Variants in DNAJA1 observed in about 807,000 individuals in gnomAD.
DNAJA1 encodes dnaJ homolog subfamily A member 1.
DNAJA1 carries 26 observed loss-of-function variants against 47.6 expected under a neutral mutation model. The ratio of observed to expected loss-of-function variants is 0.55; its 90% confidence interval spans 0.40 to 0.76. The LOEUF (loss-of-function observed/expected upper bound fraction) is 0.76. Ranked by LOEUF, DNAJA1 falls within the 30% of genes least tolerant of loss-of-function variation. The pLI is 0.00. For synonymous variants in DNAJA1, 165 were observed against 158.4 expected (o/e 1.04, Z -0.31); for missense variants, 315 against 485.0 (o/e 0.65, Z 3.29).
At chr9:33,033,929 CTG>C (rs761411581) in intron 5 of DNAJA1, among the ~76,000 whole-genome samples, 91 of 152,270 alleles carry the variant, frequency 6.0e-4, no homozygotes, top group Admixed American at 1.6e-3. Context: ...GTGTAGGTGT[CTG>C]TGGGAAAGTT....
intron 6 of DNAJA1, among the ~76,000 whole-genome samples, chr9:33,034,801 C>T (rs1839009512): frequency 6.6e-6 from 1 of 152,116 alleles, no homozygotes; most frequent in East Asian, 1.9e-4. Flanking sequence ...GTATGATGAA[C>T]ACTGAAGCAC....
At chr9:33,038,526 C>CT (rs1839068757) in intron 8 of DNAJA1, among the ~76,000 whole-genome samples, 159 bp from the exon 9 acceptor site, 1 of 152,166 alleles carries the variant, frequency 6.6e-6, no homozygotes. Flanking sequence ...TCAGAGTGTG[C>CT]TATGCACTGT....
chr9:33,036,849 T>G (rs1839042814), intron 7 of DNAJA1, among the ~76,000 whole-genome samples, 160 bp downstream of exon 7: 1 of 152,232 alleles, frequency 6.6e-6, no homozygotes, highest in Non-Finnish European at 1.5e-5. Context: ...AGGTCTTGGC[T>G]CTCTTGTCAG....
intron 6 of DNAJA1, 68 bp downstream of exon 6, chr9:33,034,398 TTTTG>T (rs1239426896): frequency 3.2e-6 from 4 of 1,252,958 alleles, no homozygotes; most frequent in Non-Finnish European, 1.1e-6. Context: ...TTTTTTGTTT[TTTTG>T]TTTTTTTTAA....
rs770904664 is a variant in DNAJA1 at position 33,038,904 on chromosome 9, T to G, written c.*1T>G. The G allele has an allele frequency of 3.5e-5, 57 of 1,609,240 alleles. No individual in the cohort carries two copies. The highest frequency in any genetic ancestry group is 4.2e-5 in the Non-Finnish European group (50 of 1,177,904). ...TGGTGTTCAGTGTCAGACCTCTTAATGGGCCAGTGAATAACACTCACTGCT... is the reference window on the plus strand; with the variant it reads ...TGGTGTTCAGTGTCAGACCTCTTAAGGGGCCAGTGAATAACACTCACTGCT... On this transcript the variant is annotated 3_prime_UTR_variant, in exon 9 of 9. Transcript: ENST00000330899.
intron 3 of DNAJA1, 62 bp downstream of exon 3, chr9:33,027,052 T>C (rs943532725): frequency 1.3e-6 from 2 of 1,583,412 alleles, no homozygotes; most frequent in Middle Eastern, 3.4e-4. Context: ...AGCAGATCTT[T>C]GAGAAATCAC....
Position 33,036,592 on chromosome 9 carries a change from CATG to C in DNAJA1, c.778_780del (p.Met260del), listed in dbSNP as rs749795915. The C allele has an allele frequency of 6.2e-7, 1 of 1,610,528 alleles. No individual in the cohort carries two copies. Among genetic ancestry groups the C allele is most frequent in the Non-Finnish European group, 8.5e-7 (1 of 1,178,414 alleles). On this transcript the variant is annotated inframe_deletion, in exon 7 of 9. Transcript: ENST00000330899. Reference sequence around the variant, plus strand: ...TATGCAGACGAGGAGAAGACCTTTTCATGTGTATGGACATACAGCTCGTTGAAG... The same window carrying C: ...TATGCAGACGAGGAGAAGACCTTTTCTGTATGGACATACAGCTCGTTGAAG...
At chr9:33,029,760 A>G (rs1307392541) in intron 3 of DNAJA1, 125 bp from the exon 4 acceptor site, 1 of 634,710 alleles carries the variant, frequency 1.6e-6, no homozygotes, top group African/African-American at 1.9e-5. Flanking sequence ...TATAGTAGGT[A>G]GTCAACAGAT....
chr9:33,032,407 G>C (rs1469936574), intron 5 of DNAJA1, among the ~76,000 whole-genome samples: 1 of 152,192 alleles, frequency 6.6e-6, no homozygotes, highest in Admixed American at 6.5e-5. Flanking sequence ...TTGTTGATAG[G>C]TTCTTGGAAA....
intron 6 of DNAJA1, among the ~76,000 whole-genome samples, chr9:33,035,939 T>C (rs922753038): frequency 8.5e-5 from 13 of 152,302 alleles, no homozygotes; most frequent in African/African-American, 2.2e-4. Context: ...ATTGGACATA[T>C]CCTCATTGTT....
Position 33,030,322 on chromosome 9 carries a change from C to T in DNAJA1, c.416-118C>T. 3 of 906,662 alleles carry T rather than the reference C, an allele frequency of 3.3e-6. No homozygotes were observed. In the South Asian group the frequency reaches 5.3e-5, roughly 16 times the overall value. The allele number at this position is 906,662 out of a possible 1,614,324, so 56.2% of individuals were successfully genotyped here. On this transcript the variant is annotated intron_variant, in intron 4 of 8. Coordinates refer to ENST00000330899, the MANE Select transcript of DNAJA1 (RefSeq NM_001539.4). ...CATCAGTTGTACATTCAGAGGGTAGCATTCCATCAGGCTTCGAAAATATTA... is the reference window on the plus strand; with the variant it reads ...CATCAGTTGTACATTCAGAGGGTAGTATTCCATCAGGCTTCGAAAATATTA...
chr9:33,035,572 C>T (rs1839021208), intron 6 of DNAJA1, among the ~76,000 whole-genome samples: 1 of 152,222 alleles, frequency 6.6e-6, no homozygotes, highest in Non-Finnish European at 1.5e-5. Context: ...CAGGTTCAAG[C>T]AATTCTCTCA....
In DNAJA1 at chr9:33,035,937, T is replaced by C. The variant is rs1839026557; in HGVS notation, c.759-637T>C. Reference sequence around the variant, plus strand: ...TGTTAGAGTCCCTTTAAATTGGACATATCCTCATTGTTTAATTTCATAGAG... The same window carrying C: ...TGTTAGAGTCCCTTTAAATTGGACACATCCTCATTGTTTAATTTCATAGAG... On this transcript the variant is annotated intron_variant, in intron 6 of 8. Coordinates refer to ENST00000330899, the MANE Select transcript of DNAJA1 (RefSeq NM_001539.4). Among the ~76,000 whole-genome samples, 3 of 152,234 alleles carry C rather than the reference T, an allele frequency of 2.0e-5. No individual in the cohort carries two copies. The South Asian group carries it at 6.2e-4, about 31-fold the overall frequency.
At position 33,035,037 on chromosome 9, in the gene DNAJA1, C is replaced by CTT. The variant is rs11371852; in HGVS notation, c.758+725_758+726dup. Among the ~76,000 whole-genome samples the CTT allele has an allele frequency of 2.6e-3, 298 of 113,864 alleles. 4 individuals are homozygous for CTT. Among genetic ancestry groups the CTT allele is most frequent in the Middle Eastern group, 0.015 (3 of 204 alleles). The allele number at this position is 113,864 out of a possible 152,430, so 74.7% of individuals were successfully genotyped here. On this transcript the variant is annotated intron_variant, in intron 6 of 8. Transcript: ENST00000330899. ...AGCCTGGGTGACAGTAAGAACCCAC[C>CTT]TTTTTTTTTTTTTTTTTTTAATGGA...
Position 33,039,145 on chromosome 9 carries a change from C to G in DNAJA1, c.*242C>G, listed in dbSNP as rs1276257349. On this transcript the variant is annotated 3_prime_UTR_variant, in exon 9 of 9. Coordinates refer to ENST00000330899, the MANE Select transcript of DNAJA1 (RefSeq NM_001539.4). The stretch of plus-strand genomic sequence containing the variant: ...CTGTAAAAACTACAAAGAAGTTCCC[C>G]TAGCATTTCTAGGCCAAACCTTGTA... 1 of 485,388 alleles carries G rather than the reference C, an allele frequency of 2.1e-6. No individual in the cohort carries two copies. Among genetic ancestry groups the G allele is most frequent in the African/African-American group, 1.9e-5 (1 of 51,530 alleles). 30.1% of individuals were successfully genotyped at this position (485,388 alleles called of 1,614,324 possible). A position where few individuals can be genotyped will look rare whatever the true frequency, so the allele number is the denominator to read the frequency against.
At position 33,039,190 on chromosome 9, in the gene DNAJA1, G is replaced by A. The variant is rs1192052048; in HGVS notation, c.*287G>A. ...CTTGTAATTGACTTCAGCTATGTAC[G>A]TGGACAAGCTTAGACTGAAATGCTA... On this transcript the variant is annotated 3_prime_UTR_variant, in exon 9 of 9. Coordinates refer to ENST00000330899, the MANE Select transcript of DNAJA1 (RefSeq NM_001539.4). The A allele has an allele frequency of 3.5e-5, 14 of 397,564 alleles. No individual in the cohort carries two copies. The Admixed American group carries it at 4.5e-4, about 13-fold the overall frequency. The allele number at this position is 397,564 out of a possible 1,614,324, so 24.6% of individuals were successfully genotyped here.
In DNAJA1 at chr9:33,033,761, C is replaced by T. The variant is rs564994787; in HGVS notation, c.644-455C>T. Among the ~76,000 whole-genome samples, 42 of 152,264 alleles carry T rather than the reference C, an allele frequency of 2.8e-4. 1 individual carries two copies. The highest frequency in any genetic ancestry group is 9.6e-4 in the African/African-American group (40 of 41,546). On this transcript the variant is annotated intron_variant, in intron 5 of 8. Coordinates refer to ENST00000330899, the MANE Select transcript of DNAJA1 (RefSeq NM_001539.4). The stretch of plus-strand genomic sequence containing the variant: ...ACTACAATAGAAGGGTCTTGATTTA[C>T]ATTGCTGTTAGACTTTTAATAGAAG...
intron 6 of DNAJA1, 96 bp from the exon 7 acceptor site, chr9:33,036,478 G>T (rs1587700605): frequency 5.8e-6 from 4 of 686,702 alleles, no homozygotes; most frequent in Non-Finnish European, 9.8e-6. Context: ...CTTTGTAAAA[G>T]ACCCTTTGCT....
chr9:33,026,105 A>G (rs1055342296), intron 1 of DNAJA1, among the ~76,000 whole-genome samples: 1 of 152,234 alleles, frequency 6.6e-6, no homozygotes, highest in Non-Finnish European at 1.5e-5. Flanking sequence ...TGCCAAAGAC[A>G]GTGATAGTGT....
Sources: allele counts gnomAD v4.1 joint callset (sites outside exome capture counted in the v4.1 genomes callset), GRCh38; gene constraint gnomAD v4.1.1; transcripts MANE v1.5; gene names NCBI Gene and HGNC (gene_info 2026-07-23, HGNC 2026-07-21).